The following PTPRD variants were observed in gnomAD, a reference collection of about 807,000 sequenced individuals.
The protein encoded by PTPRD is protein tyrosine phosphatase receptor type D.
In PTPRD, 34 loss-of-function variants were observed where a neutral mutation model predicts 214.5. The ratio of observed to expected loss-of-function variants is 0.16; its 90% CI spans 0.12 to 0.21. The LOEUF (loss-of-function observed/expected upper bound fraction) is 0.21. PTPRD is among the 10% of genes least tolerant of loss of function. PTPRD has a pLI of 1.00. For synonymous variants in PTPRD, 1,128 were observed against 845.7 expected, an observed-to-expected ratio of 1.33 and a Z score of -5.79; for missense variants, 2,545 against 2,398.7, an observed-to-expected ratio of 1.06 and a Z score of -1.27.
intron 7 of PTPRD, among the ~76,000 whole-genome samples, chr9:9,605,616 A>G (rs572667886): frequency 5.1e-4 from 78 of 152,218 alleles, no homozygotes; most frequent in African/African-American, 1.8e-3. Context: ...TGCAAATTAT[A>G]TAACAAAATT....
intron 8 of PTPRD, among the ~76,000 whole-genome samples, chr9:9,460,524 A>G (rs2093553938): frequency 6.6e-6 from 1 of 152,152 alleles, no homozygotes; most frequent in Non-Finnish European, 1.5e-5. Context: ...GGCAAAGGAC[A>G]TGAACAGACA....
chr9:9,201,865 C>A (rs1482664627), intron 9 of PTPRD, among the ~76,000 whole-genome samples: 1 of 152,152 alleles, frequency 6.6e-6, no homozygotes, highest in African/African-American at 2.4e-5. Flanking sequence ...AGAAAGCCTA[C>A]AACTGGAAGC....
chr9:8,986,878 T>C (rs932078095), intron 11 of PTPRD, among the ~76,000 whole-genome samples: 9 of 152,236 alleles, frequency 5.9e-5, no homozygotes, highest in African/African-American at 2.2e-4. Flanking sequence ...CATTATTTGG[T>C]GTTTGAAAGT....
intron 5 of PTPRD, among the ~76,000 whole-genome samples, chr9:9,906,076 A>C (rs996871610): frequency 3.3e-5 from 5 of 152,004 alleles, no homozygotes; most frequent in African/African-American, 1.2e-4. Context: ...GAAAAAATAC[A>C]GGATGCCTGC....
intron 5 of PTPRD, among the ~76,000 whole-genome samples, chr9:9,884,942 T>C (rs868054640): frequency 1.3e-5 from 2 of 152,226 alleles, no homozygotes; most frequent in Middle Eastern, 3.4e-3. Context: ...CAGTCTCATG[T>C]ATGTCTTTAT....
chr9:9,923,088 T>C (rs1250029803), intron 5 of PTPRD, among the ~76,000 whole-genome samples: 1 of 147,802 alleles, frequency 6.8e-6, no homozygotes, highest in African/African-American at 2.6e-5. Context: ...TAACGTAAAA[T>C]GACTAAGGAA....
chr9:9,385,059 T>C (rs1444674912), intron 9 of PTPRD, among the ~76,000 whole-genome samples: 1 of 152,164 alleles, frequency 6.6e-6, no homozygotes, highest in East Asian at 1.9e-4. Flanking sequence ...ATTTCCTGAC[T>C]GAAGCTCTTT....
chr9:8,516,115 G>A (rs1176072557), intron 21 of PTPRD, among the ~76,000 whole-genome samples: 1 of 152,126 alleles, frequency 6.6e-6, no homozygotes. Context: ...TTGTTATGTA[G>A]CTGCTAAAAC....
intron 11 of PTPRD, among the ~76,000 whole-genome samples, chr9:8,857,062 T>A (rs977442070): frequency 6.6e-6 from 1 of 152,166 alleles, no homozygotes; most frequent in African/African-American, 2.4e-5. Flanking sequence ...TACACCAGAT[T>A]CCCGCAGCTG....
At chr9:8,685,298 A>G (rs1177061431) in intron 12 of PTPRD, among the ~76,000 whole-genome samples, 3 of 152,054 alleles carry the variant, frequency 2.0e-5, no homozygotes, top group Admixed American at 6.5e-5. Flanking sequence ...GTGAGAGTAG[A>G]GACAAAGCAA....
At chr9:10,598,892 G>C (rs565746724) in intron 2 of PTPRD, among the ~76,000 whole-genome samples, 10 of 151,628 alleles carry the variant, frequency 6.6e-5, no homozygotes, top group South Asian at 2.1e-4. Context: ...TTTTTGATAT[G>C]ATGAGGAGTA....
chr9:10,316,163 CTATGTATATATACATAG>C (rs2096419928), intron 3 of PTPRD, among the ~76,000 whole-genome samples: 1 of 110,596 alleles, frequency 9.0e-6, no homozygotes, highest in Non-Finnish European at 1.7e-5. Context: ...ATATGTATAT[CTATGTATATATACATAG>C]ATATACATAT....
At chr9:9,175,916 T>C (rs768451203) in intron 10 of PTPRD, among the ~76,000 whole-genome samples, 15 of 152,054 alleles carry the variant, frequency 9.9e-5, no homozygotes, top group Non-Finnish European at 2.9e-5. Context: ...TCTGTAGGCC[T>C]GAAAAAAGAA....
At chr9:8,444,922 G>A (rs2095667359) in intron 34 of PTPRD, among the ~76,000 whole-genome samples, 1 of 152,156 alleles carries the variant, frequency 6.6e-6, no homozygotes, top group Admixed American at 6.5e-5. Context: ...AGTTACTGCT[G>A]TCTACAGAGA....
At chr9:9,157,095 C>T (rs957935730) in intron 10 of PTPRD, among the ~76,000 whole-genome samples, 2 of 152,096 alleles carry the variant, frequency 1.3e-5, no homozygotes, top group Non-Finnish European at 2.9e-5. Flanking sequence ...TGGCCGGAAA[C>T]ACAACATATG....
chr9:8,781,716 G>A (rs1330745961), intron 11 of PTPRD, among the ~76,000 whole-genome samples: 2 of 152,124 alleles, frequency 1.3e-5, no homozygotes, highest in Non-Finnish European at 2.9e-5. Context: ...GACTGTGCAG[G>A]GGATGCAGGA....
intron 8 of PTPRD, among the ~76,000 whole-genome samples, chr9:9,556,323 G>C (rs572823341): frequency 6.6e-6 from 1 of 152,224 alleles, no homozygotes; most frequent in South Asian, 2.1e-4. Context: ...GGAGGGGTTG[G>C]TCTTGCTGTC....
chr9:10,251,565 GC>G (rs1441654355), intron 3 of PTPRD, among the ~76,000 whole-genome samples: 1 of 152,128 alleles, frequency 6.6e-6, no homozygotes, highest in African/African-American at 2.4e-5. Flanking sequence ...ATATGAATGA[GC>G]TTGTGTAATG....
At chr9:10,248,587 T>A (rs778043126) in intron 3 of PTPRD, among the ~76,000 whole-genome samples, 1 of 150,374 alleles carries the variant, frequency 6.7e-6, no homozygotes, top group African/African-American at 2.5e-5. Context: ...ATTTGGAGAT[T>A]GTAGGTTAAG....
Sources: gnomAD v4.1 joint callset for allele counts (sites outside exome capture counted in the v4.1 genomes callset) on GRCh38, gnomAD v4.1.1 for gene constraint, MANE v1.5 for transcripts, NCBI Gene and HGNC (gene_info 2026-07-23, HGNC 2026-07-21) for gene names.